Variants in PTPRE observed in about 807,000 individuals in gnomAD.
PTPRE encodes protein tyrosine phosphatase receptor type E, also known as receptor-type tyrosine-protein phosphatase epsilon.
Under a neutral mutation model 102.0 loss-of-function variants are expected in PTPRE, and 51 were observed. The ratio of observed to expected loss-of-function variants is 0.50; its 90% confidence interval spans 0.40 to 0.63. The LOEUF (loss-of-function observed/expected upper bound fraction) is 0.63. Among genes scored for constraint, PTPRE ranks in the 30% least tolerant of loss-of-function variants. PTPRE has a pLI of 0.00. For missense variants in PTPRE, 752 were observed against 915.1 expected (o/e 0.82, Z 2.30); for synonymous variants, 345 against 348.2 (o/e 0.99, Z 0.10).
At chr10:128,071,818 C>T in intron 15 of PTPRE, 1 of 222,412 alleles carries the variant, frequency 4.5e-6, no homozygotes. Flanking sequence ...GTCCTGCTGG[C>T]CACTCTAGAT....
At chr10:128,048,313 G>A (rs1372225006) in intron 5 of PTPRE, among the ~76,000 whole-genome samples, 1 of 152,110 alleles carries the variant, frequency 6.6e-6, no homozygotes, top group East Asian at 1.9e-4. Context: ...GTACAGTTTC[G>A]AACTTGTTGT....
chr10:127,945,328 G>A (rs1198326881), intron 1 of PTPRE, among the ~76,000 whole-genome samples: 2 of 152,180 alleles, frequency 1.3e-5, no homozygotes, highest in East Asian at 3.9e-4. Flanking sequence ...AATCTTCCAG[G>A]GCAAGCAGGT....
intron 1 of PTPRE, among the ~76,000 whole-genome samples, chr10:127,940,322 C>T (rs1848149968): frequency 6.6e-6 from 1 of 152,136 alleles, no homozygotes; most frequent in Admixed American, 6.5e-5. Context: ...TCTGCCTAGC[C>T]CAGTGAATGA....
chr10:127,918,077 C>T (rs1200401436), intron 1 of PTPRE, among the ~76,000 whole-genome samples: 1 of 151,910 alleles, frequency 6.6e-6, no homozygotes, highest in African/African-American at 2.4e-5. Context: ...GAAGTCGGCT[C>T]ACAGGGGGTG....
Position 128,072,077 on chromosome 10 carries a change from G to C in PTPRE, c.1388-61G>C, listed in dbSNP as rs1210752418. 3 of 1,444,024 alleles carry C rather than the reference G, an allele frequency of 2.1e-6. No individual in the cohort carries two copies. The East Asian group carries it at 6.9e-5, about 33-fold the overall frequency. The allele number at this position is 1,444,024 out of a possible 1,614,324, so 89.5% of individuals were successfully genotyped here. Reference sequence around the variant, plus strand: ...TATATTTTGCAAGCTTGTAGCAATGGATTAAAGTTAGCAAGGTGGGACCCT... The same window carrying C: ...TATATTTTGCAAGCTTGTAGCAATGCATTAAAGTTAGCAAGGTGGGACCCT... On this transcript the variant is annotated intron_variant, in intron 15 of 20. Coordinates refer to ENST00000254667, the MANE Select transcript of PTPRE (RefSeq NM_006504.6).
chr10:128,003,231 G>A (rs938447563), intron 2 of PTPRE, among the ~76,000 whole-genome samples: 2 of 152,154 alleles, frequency 1.3e-5, no homozygotes, highest in East Asian at 1.9e-4. Flanking sequence ...CTCAGCACAC[G>A]CCTGCACGTG....
At chr10:128,055,608 A>G (rs1220412659) in intron 6 of PTPRE, among the ~76,000 whole-genome samples, 6 of 152,138 alleles carry the variant, frequency 3.9e-5, no homozygotes. Flanking sequence ...TGGAGTCTTA[A>G]GCAAGATCAG....
chr10:127,912,403 C>A (rs535217538), intron 1 of PTPRE, among the ~76,000 whole-genome samples: 1 of 152,004 alleles, frequency 6.6e-6, no homozygotes, highest in Non-Finnish European at 1.5e-5. Context: ...CTTTCAAATG[C>A]AATCAAGAAT....
At position 128,077,729 on chromosome 10, in the gene PTPRE, C is replaced by A. The variant is rs779202414; in HGVS notation, c.1838C>A (p.Ala613Asp). ...AAAGGCATGATTGACCTCATCGCAG[C>A]CGTGCAGAAGCAGCAGCAGCAGACA... ...EGKGMIDLIA[A>D]VQKQQQQTGN... is the part of the protein sequence containing the mutation. Residue 613 changes from alanine to aspartate, a missense_variant, in exon 19 of 21, where the codon GCC becomes GAC. This residue lies in a region of PTPRE where 636 missense variants were observed against 824.4 expected (regional missense o/e 0.77). Transcript: ENST00000254667. 2 of 1,612,762 alleles carry A rather than the reference C, an allele frequency of 1.2e-6. No individual in the cohort carries two copies. Among genetic ancestry groups the A allele is most frequent in the Non-Finnish European group, 1.7e-6 (2 of 1,178,842 alleles).
chr10:128,007,895 A>C (rs1026456913), intron 2 of PTPRE, among the ~76,000 whole-genome samples: 2 of 152,318 alleles, frequency 1.3e-5, no homozygotes, highest in African/African-American at 4.8e-5. Flanking sequence ...GCTTCTGTAC[A>C]TGATTGTCTC....
intron 1 of PTPRE, among the ~76,000 whole-genome samples, chr10:127,966,603 G>A (rs1850271816): frequency 1.3e-5 from 2 of 152,130 alleles, no homozygotes; most frequent in Admixed American, 1.3e-4. Flanking sequence ...TTTTAAAACA[G>A]GGATGGTCCT....
intron 2 of PTPRE, among the ~76,000 whole-genome samples, chr10:127,997,824 C>T (rs4750928): frequency 0.69 from 105,631 of 152,140 alleles, 37,412 homozygotes; most frequent in African/African-American, 0.85. Flanking sequence ...TTAAATTGCT[C>T]AGTGAAGGAG....
At chr10:128,080,432 C>T (rs190284549) in intron 20 of PTPRE, among the ~76,000 whole-genome samples, 63 of 152,314 alleles carry the variant, frequency 4.1e-4, no homozygotes, top group African/African-American at 1.0e-3. Context: ...GGCCCTTCTA[C>T]GTCCCCCTCA....
chr10:128,014,772 G>T (rs990703831), intron 2 of PTPRE, among the ~76,000 whole-genome samples: 1 of 152,116 alleles, frequency 6.6e-6, no homozygotes, highest in Non-Finnish European at 1.5e-5. Context: ...GGCACTGGGG[G>T]TGGTCAGCGG....
chr10:127,987,365 G>A lies in PTPRE; in HGVS notation c.-8+5069G>A, dbSNP rs935234026. ...ACATGGATTCTCCAAGGCCAGGATG[G>A]TTTCCCAGCGTCTTCCCAGGAAGAC... On this transcript the variant is annotated intron_variant, in intron 2 of 20. Coordinates refer to ENST00000254667, the MANE Select transcript of PTPRE (RefSeq NM_006504.6). 3 of 1,283,180 alleles carry A rather than the reference G, an allele frequency of 2.3e-6. No homozygotes were observed. The African/African-American group carries it at 4.6e-5, about 20-fold the overall frequency. 79.5% of individuals were successfully genotyped at this position (1,283,180 alleles called of 1,614,324 possible).
chr10:127,980,668 C>T (rs748908779), intron 1 of PTPRE, among the ~76,000 whole-genome samples: 6 of 152,092 alleles, frequency 3.9e-5, no homozygotes, highest in Non-Finnish European at 8.8e-5. Context: ...TCCTTAGTTA[C>T]CAGAAGTATT....
intron 2 of PTPRE, among the ~76,000 whole-genome samples, chr10:127,988,304 CTTTTT>C (rs57166500): frequency 8.1e-6 from 1 of 123,840 alleles, no homozygotes; most frequent in Non-Finnish European, 1.6e-5. Flanking sequence ...TTTTTCTTTT[CTTTTT>C]TTTTTTTTTT....
At chr10:128,076,760 G>T (rs1380911417) in intron 18 of PTPRE, 32 bp downstream of exon 18, 1 of 1,608,116 alleles carries the variant, frequency 6.2e-7, no homozygotes, top group East Asian at 2.2e-5. Flanking sequence ...AAACGCTTGT[G>T]AATTTAGTGA....
intron 1 of PTPRE, among the ~76,000 whole-genome samples, chr10:127,924,409 A>C (rs962730112): frequency 7.2e-5 from 11 of 152,190 alleles, no homozygotes; most frequent in African/African-American, 2.7e-4. Context: ...TATTTTTAGT[A>C]GAGACAGGGT....
Sources: gnomAD v4.1 joint callset for allele counts (sites outside exome capture counted in the v4.1 genomes callset) on GRCh38, gnomAD v4.1.1 for gene constraint, gnomAD v4.1.1 regional missense constraint, MANE v1.5 for transcripts, NCBI Gene and HGNC (gene_info 2026-07-23, HGNC 2026-07-21) for gene names.